LRRC28: variants seen among roughly 807,000 people sequenced by gnomAD.
The protein encoded by LRRC28 is leucine rich repeat containing 28.
Under a neutral mutation model 45.7 loss-of-function variants are expected in LRRC28, and 39 were observed. That is an observed-to-expected ratio of 0.85 (90% confidence interval 0.66 to 1.12). The LOEUF (loss-of-function observed/expected upper bound fraction) is 1.12. Among genes scored for constraint, LRRC28 ranks in the 50% most tolerant of loss-of-function variants. The probability of loss-of-function intolerance (pLI) is 0.00; values close to 1 mark genes in which losing one functional copy is unlikely to be tolerated. For synonymous variants in LRRC28, 206 were observed against 178.8 expected (o/e 1.15, Z -1.22); for missense variants, 435 against 438.5 (o/e 0.99, Z 0.07).
intron 9 of LRRC28, among the ~76,000 whole-genome samples, chr15:99,371,232 C>A (rs1475364332): frequency 6.6e-6 from 1 of 152,220 alleles, no homozygotes; most frequent in East Asian, 1.9e-4. Flanking sequence ...AAACACACTT[C>A]GAACATCTAC....
chr15:99,385,282 C>A (rs1409346213), intron 9 of LRRC28, among the ~76,000 whole-genome samples: 1 of 152,192 alleles, frequency 6.6e-6, no homozygotes, highest in East Asian at 1.9e-4. Flanking sequence ...GGTCCCCTTC[C>A]TGGGCCACAG....
At chr15:99,375,553 T>C (rs1957605051) in intron 9 of LRRC28, among the ~76,000 whole-genome samples, 1 of 152,216 alleles carries the variant, frequency 6.6e-6, no homozygotes, top group African/African-American at 2.4e-5. Flanking sequence ...TTCAAAAATT[T>C]ATCTTTTTAC....
At chr15:99,355,750 A>AAG (rs1957031017) in intron 7 of LRRC28, 1 of 152,012 alleles carries the variant, frequency 6.6e-6, no homozygotes, top group African/African-American at 2.4e-5. Flanking sequence ...AAAAAAAAAA[A>AAG]AAAACCAAGC....
intron 5 of LRRC28, among the ~76,000 whole-genome samples, chr15:99,308,614 A>G (rs565234522): frequency 4.6e-5 from 7 of 152,334 alleles, no homozygotes; most frequent in African/African-American, 1.4e-4. Flanking sequence ...TTGAGGTTGC[A>G]GTGACCTATG....
chr15:99,295,662 G>A (rs2082244041), intron 5 of LRRC28, among the ~76,000 whole-genome samples: 1 of 152,180 alleles, frequency 6.6e-6, no homozygotes, highest in Non-Finnish European at 1.5e-5. Flanking sequence ...CTTACATCTG[G>A]CATATAAATC....
intron 9 of LRRC28, among the ~76,000 whole-genome samples, chr15:99,383,733 A>G (rs1443938018): frequency 6.6e-6 from 1 of 152,176 alleles, no homozygotes; most frequent in African/African-American, 2.4e-5. Context: ...GGCTTAGGGA[A>G]GAAAAAGACT....
At chr15:99,376,343 A>G (rs1482222471) in intron 9 of LRRC28, among the ~76,000 whole-genome samples, 3 of 152,186 alleles carry the variant, frequency 2.0e-5, no homozygotes, top group South Asian at 4.1e-4. Context: ...GTCAAAGAAC[A>G]TACTCTATGA....
intron 5 of LRRC28, among the ~76,000 whole-genome samples, chr15:99,299,126 A>C (rs2082334879): frequency 6.6e-6 from 1 of 152,240 alleles, no homozygotes; most frequent in Admixed American, 6.5e-5. Flanking sequence ...TTACTGAAGA[A>C]CTTTCAATTA....
rs998162378 is a variant in LRRC28, at chr15:99,361,595, T to TA, written c.871+94dup. 5,055 of 1,169,256 alleles carry TA rather than the reference T, an allele frequency of 4.3e-3. 10 individuals carry two copies. Among genetic ancestry groups the TA allele is most frequent in the African/African-American group, 0.021 (1,327 of 63,832 alleles). The allele number at this position is 1,169,256 out of a possible 1,614,324, so 72.4% of individuals were successfully genotyped here. A position where few individuals can be genotyped will look rare whatever the true frequency, so the allele number is the denominator to read the frequency against. On this transcript the variant is annotated intron_variant, in intron 8 of 9. Transcript: ENST00000301981. Reference sequence around the variant, plus strand: ...GTGCACCTGTTTTGGCGTTCATCTTTAAAAAAAAAATTATTGTGGTAAAAT... The same window carrying TA: ...GTGCACCTGTTTTGGCGTTCATCTTTAAAAAAAAAAATTATTGTGGTAAAAT...
chr15:99,258,579 C>T, intron 2 of LRRC28: 2 of 745,648 alleles, frequency 2.7e-6, no homozygotes, highest in East Asian at 5.2e-5. Flanking sequence ...AAAACAGAAA[C>T]CAAAGACTAA....
At chr15:99,258,284 ATC>A (rs1243221308) in intron 2 of LRRC28, 1 of 1,542,004 alleles carries the variant, frequency 6.5e-7, no homozygotes, top group Non-Finnish European at 9.0e-7. Flanking sequence ...TACCCAGTAC[ATC>A]TGGGAGTCTG....
chr15:99,292,752 A>T (rs527853949), intron 5 of LRRC28, among the ~76,000 whole-genome samples: 1 of 152,300 alleles, frequency 6.6e-6, no homozygotes, highest in South Asian at 2.1e-4. Context: ...ATTTTTCTTT[A>T]ACCCTTGTCT....
At chr15:99,354,829 G>T (rs965402298) in intron 7 of LRRC28, among the ~76,000 whole-genome samples, 4 of 152,202 alleles carry the variant, frequency 2.6e-5, no homozygotes, top group African/African-American at 4.8e-5. Context: ...TGACCTAGAT[G>T]TAGGCTTGGG....
intron 9 of LRRC28, among the ~76,000 whole-genome samples, chr15:99,378,725 A>G (rs528926884): frequency 1.3e-3 from 194 of 152,154 alleles, no homozygotes; most frequent in African/African-American, 3.7e-3. Context: ...TCAATACCTA[A>G]TTTATTTAGA....
chr15:99,349,997 G>A (rs1463784818), intron 6 of LRRC28, among the ~76,000 whole-genome samples: 10 of 151,590 alleles, frequency 6.6e-5, no homozygotes, highest in Admixed American at 3.3e-4. Flanking sequence ...TTAGCCGGGC[G>A]CGGTGGCGGG....
intron 2 of LRRC28, among the ~76,000 whole-genome samples, chr15:99,266,769 G>C (rs946214944): frequency 2.6e-5 from 4 of 152,302 alleles, no homozygotes; most frequent in Non-Finnish European, 4.4e-5. Flanking sequence ...ATAGCAGCTA[G>C]CACTGTTTGA....
intron 2 of LRRC28, 82 bp from the exon 3 acceptor site, chr15:99,276,494 G>A: frequency 9.0e-7 from 1 of 1,114,768 alleles, no homozygotes; most frequent in Admixed American, 2.9e-5. Flanking sequence ...CCTCAAAAAG[G>A]TAGTACTTTG....
intron 9 of LRRC28, among the ~76,000 whole-genome samples, chr15:99,379,605 C>A (rs1216625245): frequency 6.6e-6 from 1 of 152,148 alleles, no homozygotes; most frequent in Non-Finnish European, 1.5e-5. Flanking sequence ...TTTGCTCTTG[C>A]TTCTCTAATT....
At chr15:99,270,401 C>G (rs2081444151) in intron 2 of LRRC28, among the ~76,000 whole-genome samples, 1 of 152,122 alleles carries the variant, frequency 6.6e-6, no homozygotes, top group Non-Finnish European at 1.5e-5. Context: ...AACCCCTCAC[C>G]CATTAAGCAG....
Sources: allele counts gnomAD v4.1 joint callset (sites outside exome capture counted in the v4.1 genomes callset), GRCh38; gene constraint gnomAD v4.1.1; transcripts MANE v1.5; gene names NCBI Gene and HGNC (gene_info 2026-07-23, HGNC 2026-07-21).